The following IL1RAPL1 variants were observed in gnomAD, a reference collection of about 807,000 sequenced individuals.
IL1RAPL1 encodes the protein interleukin 1 receptor accessory protein like 1.
A neutral mutation model predicts 48.4 loss-of-function variants in IL1RAPL1; 3 were observed. That is an observed-to-expected ratio of 0.06 (90% confidence interval 0.03 to 0.16). IL1RAPL1 has a LOEUF of 0.16. Ranked by LOEUF, IL1RAPL1 falls within the 10% of genes least tolerant of loss-of-function variation. IL1RAPL1 has a pLI of 1.00. For missense variants in IL1RAPL1, 349 were observed against 530.6 expected, an observed-to-expected ratio of 0.66 and a Z score of 3.36; for synonymous variants, 185 against 187.7, an observed-to-expected ratio of 0.99 and a Z score of 0.12.
intron 6 of IL1RAPL1, among the ~76,000 whole-genome samples, chrX:29,915,926 A>T (rs1282116115): frequency 4.6e-5 from 3 of 64,700 alleles, no homozygotes; most frequent in Non-Finnish European, 8.3e-5. Context: ...CAGTCCCCAG[A>T]GTGTGATATT....
chrX:29,256,833 G>A (rs1405000009), intron 2 of IL1RAPL1, among the ~76,000 whole-genome samples: 1 of 111,541 alleles, frequency 9.0e-6, no homozygotes, highest in East Asian at 2.8e-4. Flanking sequence ...CCTGAAAACA[G>A]CTCTATACAG....
chrX:29,158,233 A>C (rs758209350), intron 2 of IL1RAPL1, among the ~76,000 whole-genome samples: 1 of 112,267 alleles, frequency 8.9e-6, no homozygotes, highest in East Asian at 2.8e-4. Context: ...AGGAAAACAT[A>C]GGAAAGGGTA....
intron 2 of IL1RAPL1, among the ~76,000 whole-genome samples, chrX:29,270,999 G>A (rs1932033219): frequency 9.0e-6 from 1 of 111,351 alleles, no homozygotes; most frequent in African/African-American, 3.3e-5. Context: ...GTTTTTCAAT[G>A]TTCACACTCC....
At position 28,682,886 on chromosome X, in the gene IL1RAPL1, C is replaced by T. The variant is rs111505774; in HGVS notation, c.-25+94839C>T. Among the ~76,000 whole-genome samples the T allele has an allele frequency of 6.4e-3, 719 of 111,906 alleles. 10 individuals are homozygous for T. The highest frequency in any genetic ancestry group is 0.022 in the African/African-American group (670 of 30,861). On this transcript the variant is annotated intron_variant, in intron 1 of 10. Transcript: ENST00000378993. ...AAGAAAGCACAAATATACTTTCTAG[C>T]TCCTGGCTATTGATATATGCGATTT...
chrX:28,811,587 G>A (rs1444052524), intron 2 of IL1RAPL1, among the ~76,000 whole-genome samples: 2 of 110,761 alleles, frequency 1.8e-5, no homozygotes, highest in Non-Finnish European at 3.8e-5. Flanking sequence ...AGCAAGACAT[G>A]GGTTGGTTAC....
chrX:29,804,207 C>G (rs1033963002), intron 6 of IL1RAPL1, among the ~76,000 whole-genome samples: 1 of 111,077 alleles, frequency 9.0e-6, no homozygotes, highest in African/African-American at 3.3e-5. Context: ...CATAAAATCC[C>G]CTTGGACTAT....
At chrX:29,728,358 T>C (rs182784481) in intron 6 of IL1RAPL1, among the ~76,000 whole-genome samples, 1 of 112,262 alleles carries the variant, frequency 8.9e-6, no homozygotes, top group East Asian at 2.8e-4. Flanking sequence ...CTGAAACTTA[T>C]CTAACCTACC....
At chrX:29,092,685 C>T (rs1314652783) in intron 2 of IL1RAPL1, among the ~76,000 whole-genome samples, 1 of 111,181 alleles carries the variant, frequency 9.0e-6, no homozygotes, top group Admixed American at 9.6e-5. Flanking sequence ...ATAACTTCTT[C>T]AGGATTAAAA....
At chrX:28,946,910 G>T (rs1284090572) in intron 2 of IL1RAPL1, among the ~76,000 whole-genome samples, 1 of 111,694 alleles carries the variant, frequency 9.0e-6, no homozygotes, top group African/African-American at 3.2e-5. Flanking sequence ...TATTTTATCA[G>T]TGTCAATTCT....
intron 2 of IL1RAPL1, among the ~76,000 whole-genome samples, chrX:29,164,135 T>TA (rs1277846334): frequency 8.9e-6 from 1 of 111,856 alleles, no homozygotes; most frequent in African/African-American, 3.2e-5. Flanking sequence ...TGAATATCCA[T>TA]AGCTGTTTTC....
At chrX:28,832,423 C>A (rs1921085457) in intron 2 of IL1RAPL1, among the ~76,000 whole-genome samples, 1 of 111,298 alleles carries the variant, frequency 9.0e-6, no homozygotes, top group Admixed American at 9.6e-5. Context: ...TAAAGATTTA[C>A]AGTCCCCCAA....
At chrX:29,009,329 A>G (rs534558073) in intron 2 of IL1RAPL1, among the ~76,000 whole-genome samples, 14 of 111,943 alleles carry the variant, frequency 1.3e-4, no homozygotes, top group African/African-American at 4.5e-4. Context: ...AAACCTGCAC[A>G]TGTACCCCAT....
chrX:29,069,026 C>T (rs762365837), intron 2 of IL1RAPL1, among the ~76,000 whole-genome samples: 14 of 112,143 alleles, frequency 1.2e-4, no homozygotes, highest in African/African-American at 3.6e-4. Flanking sequence ...GCCCCACTCT[C>T]TCCCAGCGAA....
rs749621172 is a variant in IL1RAPL1, at chrX:29,218,287, T to G, written c.83-64651T>G. On this transcript the variant is annotated intron_variant, in intron 2 of 10. Coordinates refer to ENST00000378993, the MANE Select transcript of IL1RAPL1 (RefSeq NM_014271.4). ...GGCTTAACCAGTGCACTCTCTTTGTTACCATTTACAAATGACCATGCTAGC... is the reference window on the plus strand; with the variant it reads ...GGCTTAACCAGTGCACTCTCTTTGTGACCATTTACAAATGACCATGCTAGC... Among the ~76,000 whole-genome samples, 51 of 112,063 alleles carry G rather than the reference T, an allele frequency of 4.6e-4. No individual in the cohort carries two copies. In the Middle Eastern group the frequency reaches 0.014, roughly 30 times the overall value.
chrX:29,745,918 C>T (rs752483892), intron 6 of IL1RAPL1, among the ~76,000 whole-genome samples: 5 of 111,713 alleles, frequency 4.5e-5, no homozygotes, highest in South Asian at 3.7e-4. Flanking sequence ...AAGTTATTTT[C>T]GTTCTCAGCA....
At chrX:28,727,625 G>T (rs1436586225) in intron 1 of IL1RAPL1, among the ~76,000 whole-genome samples, 1 of 104,295 alleles carries the variant, frequency 9.6e-6, no homozygotes, top group South Asian at 4.5e-4. Context: ...TTTTCAGAGG[G>T]AATGCTTCCA....
intron 3 of IL1RAPL1, among the ~76,000 whole-genome samples, chrX:29,285,524 C>CAAAAAAAA (rs778913919): frequency 3.5e-4 from 4 of 11,583 alleles, no homozygotes; most frequent in East Asian, 4.4e-3. Context: ...AACTCCGTCT[C>CAAAAAAAA]AAAAAAAAAA....
chrX:29,892,747 G>A (rs1932295581), intron 6 of IL1RAPL1, among the ~76,000 whole-genome samples: 1 of 111,976 alleles, frequency 8.9e-6, no homozygotes, highest in East Asian at 2.8e-4. Flanking sequence ...GGCAAAAGAG[G>A]GTATGTCTCA....
intron 3 of IL1RAPL1, among the ~76,000 whole-genome samples, chrX:29,287,739 A>G (rs977158602): frequency 8.9e-6 from 1 of 112,422 alleles, no homozygotes; most frequent in African/African-American, 3.2e-5. Context: ...TGTACATTTT[A>G]TAATTGAATT....
Sources: gnomAD v4.1 joint callset for allele counts (sites outside exome capture counted in the v4.1 genomes callset) on GRCh38, gnomAD v4.1.1 for gene constraint, MANE v1.5 for transcripts, NCBI Gene and HGNC (gene_info 2026-07-23, HGNC 2026-07-21) for gene names.